KIF3C: variants seen among roughly 807,000 people sequenced by gnomAD.
KIF3C encodes kinesin family member 3C.
In KIF3C, 12 loss-of-function variants were observed where a neutral mutation model predicts 67.7. The ratio of observed to expected loss-of-function variants is 0.18; its 90% CI spans 0.11 to 0.29. The LOEUF is 0.29. Ranked by LOEUF, KIF3C falls within the 10% of genes least tolerant of loss-of-function variation. The pLI is 1.00. For missense variants in KIF3C, 789 were observed against 1,059.6 expected (o/e 0.74, Z 3.55); for synonymous variants, 393 against 426.2 (o/e 0.92, Z 0.96).
chr2:25,934,707 C>A (rs1163045333), intron 5 of KIF3C, among the ~76,000 whole-genome samples: 4 of 152,162 alleles, frequency 2.6e-5, no homozygotes, highest in Non-Finnish European at 5.9e-5. Context: ...GAATTGTACA[C>A]TTTAAAATGG....
chr2:25,948,628 AAGAG>A (rs1042905052), intron 5 of KIF3C, among the ~76,000 whole-genome samples: 1 of 98,508 alleles, frequency 1.0e-5, no homozygotes, highest in Non-Finnish European at 2.1e-5. Flanking sequence ...GAAAGAGAGA[AAGAG>A]AGAGAGAAAG....
At chr2:25,979,070 C>T (rs1664490317) in intron 1 of KIF3C, among the ~76,000 whole-genome samples, 1 of 152,190 alleles carries the variant, frequency 6.6e-6, no homozygotes, top group Non-Finnish European at 1.5e-5. Flanking sequence ...GCTGGGCCCC[C>T]CTGCTCCCCA....
At chr2:25,969,012 CAG>C (rs1433029796) in intron 1 of KIF3C, among the ~76,000 whole-genome samples, 1 of 151,996 alleles carries the variant, frequency 6.6e-6, no homozygotes, top group Non-Finnish European at 1.5e-5. Context: ...TTAGTAGAGA[CAG>C]GGTTTCGCCA....
At chr2:25,951,540 A>T in intron 5 of KIF3C, 1 of 437,698 alleles carries the variant, frequency 2.3e-6, no homozygotes, top group Non-Finnish European at 4.2e-6. Context: ...CTCCCTCCCG[A>T]GATCCCTCAC....
Position 25,982,359 on chromosome 2 carries a change from T to C in KIF3C, c.-442A>G. 2 of 398,630 alleles carry C rather than the reference T, an allele frequency of 5.0e-6. No homozygotes were observed. Among genetic ancestry groups the C allele is most frequent in the Non-Finnish European group, 8.8e-6 (2 of 226,284 alleles). The allele number at this position is 398,630 out of a possible 1,614,324, so 24.7% of individuals were successfully genotyped here. ...GCTGCCGGTCGTGGGCGGCCGGGGG[T>C]CCCGGGCCTCCCGAGGGCAGAGGCT... On this transcript the variant is annotated 5_prime_UTR_variant, in exon 1 of 8. Coordinates refer to ENST00000264712, the MANE Select transcript of KIF3C (RefSeq NM_002254.8).
At chr2:25,933,226 G>A (rs1322696260) in intron 5 of KIF3C, among the ~76,000 whole-genome samples, 1 of 151,950 alleles carries the variant, frequency 6.6e-6, no homozygotes, top group African/African-American at 2.4e-5. Context: ...ACTCTAGCCT[G>A]GGTGACAGAG....
intron 5 of KIF3C, among the ~76,000 whole-genome samples, chr2:25,948,654 A>AAGAGAAAG (rs1415395536): frequency 6.7e-6 from 1 of 150,306 alleles, no homozygotes; most frequent in Non-Finnish European, 1.5e-5. Context: ...GAAAGAGAGA[A>AAGAGAAAG]AGAGAAAGAG....
At chr2:25,975,107 C>T (rs1418652993) in intron 1 of KIF3C, among the ~76,000 whole-genome samples, 1 of 152,016 alleles carries the variant, frequency 6.6e-6, no homozygotes. Flanking sequence ...CTCCAGCTGC[C>T]CACTGGACTC....
chr2:25,951,705 G>T, intron 5 of KIF3C, 84 bp downstream of exon 5: 1 of 829,782 alleles, frequency 1.2e-6, no homozygotes, highest in Non-Finnish European at 2.0e-6. Flanking sequence ...TCTCCCTGCA[G>T]GCAAGGCCTC....
At chr2:25,960,652 T>C (rs781718831) in intron 1 of KIF3C, among the ~76,000 whole-genome samples, 5 of 152,082 alleles carry the variant, frequency 3.3e-5, no homozygotes, top group Non-Finnish European at 7.4e-5. Flanking sequence ...TAAATGGAGA[T>C]CCAGCTGAGC....
chr2:25,963,819 A>G (rs1664072328), intron 1 of KIF3C, among the ~76,000 whole-genome samples: 1 of 151,470 alleles, frequency 6.6e-6, no homozygotes, highest in South Asian at 2.1e-4. Flanking sequence ...CAGCCTCCTG[A>G]GTAGCTGGGA....
At chr2:25,945,564 C>CAAAAAAAAAAAAAAAAAAAAAAAAAAA in intron 5 of KIF3C, among the ~76,000 whole-genome samples, 1 of 67,374 alleles carries the variant, frequency 1.5e-5, no homozygotes. Context: ...GAGAATATCT[C>CAAAAAAAAAAAAAAAAAAAAAAAAAAA]AAAAAAAAAA....
intron 2 of KIF3C, 107 bp downstream of exon 2, chr2:25,956,236 C>T (rs770323382): frequency 1.8e-5 from 15 of 833,590 alleles, no homozygotes; most frequent in African/African-American, 3.4e-5. Context: ...ATTCTCAGCA[C>T]TGTAATTCCA....
At chr2:25,929,266 C>G (rs1347074085) in intron 7 of KIF3C, 39 bp downstream of exon 7, 1 of 1,598,374 alleles carries the variant, frequency 6.3e-7, no homozygotes, top group South Asian at 1.1e-5. Context: ...TCCCCTGCCT[C>G]CTGGGTCCAG....
chr2:25,970,422 C>CT (rs1384717581), intron 1 of KIF3C, among the ~76,000 whole-genome samples: 1 of 152,040 alleles, frequency 6.6e-6, no homozygotes, highest in Non-Finnish European at 1.5e-5. Flanking sequence ...AATCCCAGCA[C>CT]TTTGGGAGGC....
intron 5 of KIF3C, among the ~76,000 whole-genome samples, chr2:25,932,585 C>A (rs916538339): frequency 1.3e-5 from 2 of 150,816 alleles, no homozygotes; most frequent in Admixed American, 6.7e-5. Flanking sequence ...GTAATCCCAG[C>A]GCTTTGGGAG....
At chr2:25,945,026 G>T (rs1275141736) in intron 5 of KIF3C, among the ~76,000 whole-genome samples, 1 of 151,922 alleles carries the variant, frequency 6.6e-6, no homozygotes, top group Non-Finnish European at 1.5e-5. Context: ...AGCTACTCAG[G>T]AGGCTGAGGC....
chr2:25,945,969 CG>C (rs1352740168), intron 5 of KIF3C, among the ~76,000 whole-genome samples: 1 of 151,474 alleles, frequency 6.6e-6, no homozygotes. Flanking sequence ...ACAAATTAGC[CG>C]GGCATGGTGG....
At position 25,977,131 on chromosome 2, in the gene KIF3C, C is replaced by A. The variant is rs576588175; in HGVS notation, c.1545+3242G>T. Among the ~76,000 whole-genome samples the A allele has an allele frequency of 7.9e-5, 12 of 152,134 alleles. No homozygotes were observed. The South Asian group carries it at 2.3e-3, about 29-fold the overall frequency. On this transcript the variant is annotated intron_variant, in intron 1 of 7. Coordinates refer to ENST00000264712, the MANE Select transcript of KIF3C (RefSeq NM_002254.8). ...CACAAACTCTCACACATTTGCACAC[C>A]CGAACATCCCCTGAGGCCCACAGTA...
Sources: gnomAD v4.1 joint callset for allele counts (sites outside exome capture counted in the v4.1 genomes callset) on GRCh38, gnomAD v4.1.1 for gene constraint, MANE v1.5 for transcripts, NCBI Gene and HGNC (gene_info 2026-07-23, HGNC 2026-07-21) for gene names.